KLF12: variants seen among roughly 807,000 people sequenced by gnomAD.
KLF12 encodes the protein KLF transcription factor 12.
In KLF12, 9 loss-of-function variants were observed where a neutral mutation model predicts 37.8. The observed-to-expected ratio is 0.24, with a 90% confidence interval of 0.14 to 0.42. The LOEUF (loss-of-function observed/expected upper bound fraction) is 0.42. Ranked by LOEUF, KLF12 falls within the 10% of genes least tolerant of loss-of-function variation. The pLI is 1.00. For missense variants in KLF12, 411 were observed against 516.0 expected (o/e 0.80, Z 1.97); for synonymous variants, 208 against 202.1 (o/e 1.03, Z -0.25).
chr13:74,253,959 C>G, the KLF12 span, among the ~76,000 whole-genome samples: 7 of 152,228 alleles, frequency 4.6e-5, no homozygotes, highest in African/African-American at 1.7e-4. Context: ...CTTATTTGAC[C>G]AGGGAGTCTT....
At chr13:74,034,718 T>C (rs1414124716) in intron 1 of KLF12, among the ~76,000 whole-genome samples, 3 of 152,222 alleles carry the variant, frequency 2.0e-5, no homozygotes. Flanking sequence ...ATTAGGGAGA[T>C]ACATCTGAAA....
intron 3 of KLF12, among the ~76,000 whole-genome samples, chr13:73,913,537 A>G (rs1245662163): frequency 6.6e-6 from 1 of 152,188 alleles, no homozygotes; most frequent in Non-Finnish European, 1.5e-5. Flanking sequence ...TCCTACCAAT[A>G]CAATGACCAA....
At chr13:74,264,256 T>TA in the KLF12 span, among the ~76,000 whole-genome samples, 1 of 152,156 alleles carries the variant, frequency 6.6e-6, no homozygotes, top group South Asian at 2.1e-4. Flanking sequence ...GTGGCTTGGA[T>TA]AAAAAAAGAA....
intron 1 of KLF12, among the ~76,000 whole-genome samples, chr13:74,069,782 T>G (rs9565073): frequency 6.6e-6 from 1 of 151,968 alleles, no homozygotes; most frequent in Non-Finnish European, 1.5e-5. Context: ...TGGTGACTCA[T>G]GAGACGTGAA....
intron 1 of KLF12, among the ~76,000 whole-genome samples, chr13:74,117,550 A>G (rs1877379637): frequency 2.0e-5 from 3 of 152,234 alleles, no homozygotes; most frequent in Admixed American, 2.0e-4. Flanking sequence ...AGAGTAGGCA[A>G]GACTTAGTGA....
intron 1 of KLF12, among the ~76,000 whole-genome samples, chr13:74,111,137 A>G (rs1876949366): frequency 6.6e-6 from 1 of 151,322 alleles, no homozygotes. Context: ...TGGGCGACAG[A>G]GCAAGACTAT....
At chr13:73,703,334 T>C (rs2137594665) in intron 7 of KLF12, among the ~76,000 whole-genome samples, 1 of 152,294 alleles carries the variant, frequency 6.6e-6, no homozygotes. Context: ...CAATTAATTA[T>C]AGTTTTGGGG....
chr13:74,111,846 A>C (rs185500510), intron 1 of KLF12, among the ~76,000 whole-genome samples: 3 of 152,212 alleles, frequency 2.0e-5, no homozygotes, highest in Non-Finnish European at 4.4e-5. Context: ...ATATGTTTTT[A>C]AAAGTTCCAC....
At chr13:74,119,265 G>A (rs1452742307) in intron 1 of KLF12, among the ~76,000 whole-genome samples, 1 of 151,954 alleles carries the variant, frequency 6.6e-6, no homozygotes, top group Non-Finnish European at 1.5e-5. Flanking sequence ...TTGGGAGGCG[G>A]AGGCTGCAGT....
At chr13:74,210,769 C>A in the KLF12 span, among the ~76,000 whole-genome samples, 1 of 152,136 alleles carries the variant, frequency 6.6e-6, no homozygotes, top group Non-Finnish European at 1.5e-5. Context: ...GTTTCTTGGA[C>A]TCCTGTAATA....
the KLF12 span, among the ~76,000 whole-genome samples, chr13:74,279,665 A>G: frequency 3.3e-4 from 51 of 152,292 alleles, 1 homozygote; most frequent in South Asian, 2.7e-3. Flanking sequence ...AAAATGGTAA[A>G]ACACATGTCA....
chr13:73,686,317 G>A lies in KLF12; in HGVS notation c.*9173C>T, dbSNP rs1244922493. ...ATAGACTGGAATAATCATCCTCTGA[G>A]AGAATCTCATTAGGAGGGTCTCCCT... On this transcript the variant is annotated 3_prime_UTR_variant, in exon 8 of 8. Transcript: ENST00000377669. 6.6e-6 allele frequency: 1 copy of A among 152,558 alleles called. No individual in the cohort carries two copies. The highest frequency in any genetic ancestry group is 1.5e-5 in the Non-Finnish European group (1 of 68,016). The allele number at this position is 152,558 out of a possible 1,614,324, so 9.5% of individuals were successfully genotyped here.
At chr13:74,212,824 G>A in the KLF12 span, among the ~76,000 whole-genome samples, 1 of 151,902 alleles carries the variant, frequency 6.6e-6, no homozygotes, top group Non-Finnish European at 1.5e-5. Context: ...AAAAATACAT[G>A]GAGGTAATTT....
intron 5 of KLF12, among the ~76,000 whole-genome samples, chr13:73,805,656 G>T (rs1594111217): frequency 2.8e-5 from 1 of 35,108 alleles, no homozygotes; most frequent in Non-Finnish European, 5.2e-5. Context: ...GAGGGAGGAA[G>T]GAAGGAAGGA....
intron 3 of KLF12, among the ~76,000 whole-genome samples, chr13:73,909,245 C>T (rs1397973629): frequency 1.3e-5 from 2 of 152,204 alleles, no homozygotes; most frequent in African/African-American, 4.8e-5. Flanking sequence ...CGTTTCCATA[C>T]TACCAGTGGC....
intron 5 of KLF12, among the ~76,000 whole-genome samples, chr13:73,794,995 A>G (rs1270511018): frequency 6.6e-6 from 1 of 152,192 alleles, no homozygotes; most frequent in East Asian, 1.9e-4. Flanking sequence ...TCCTAGATAG[A>G]GCCAGGTTAT....
chr13:74,086,677 G>A (rs944721300), intron 1 of KLF12, among the ~76,000 whole-genome samples: 2 of 152,010 alleles, frequency 1.3e-5, no homozygotes, highest in African/African-American at 4.8e-5. Context: ...TGGAGGTTAG[G>A]GGTACTGACC....
At chr13:73,883,104 A>C (rs751983445) in intron 3 of KLF12, among the ~76,000 whole-genome samples, 4 of 152,196 alleles carry the variant, frequency 2.6e-5, no homozygotes, top group African/African-American at 9.6e-5. Flanking sequence ...CATTAAAATC[A>C]ATATTATATT....
rs111977086 is a variant in KLF12, at chr13:74,035,231, T to C, written c.-31-40178A>G. On this transcript the variant is annotated intron_variant, in intron 1 of 7. Coordinates refer to ENST00000377669, the MANE Select transcript of KLF12 (RefSeq NM_007249.5). The stretch of plus-strand genomic sequence containing the variant: ...TGCATATCCTCCCATATACTTTAAA[T>C]CATCTCTAGATTACATATAATGCCT... Among the ~76,000 whole-genome samples the C allele has an allele frequency of 2.3e-3, 354 of 152,346 alleles. 4 individuals are homozygous for C. Among genetic ancestry groups the C allele is most frequent in the African/African-American group, 8.2e-3 (341 of 41,584 alleles).
Sources: gnomAD v4.1 joint callset for allele counts (sites outside exome capture counted in the v4.1 genomes callset) on GRCh38, gnomAD v4.1.1 for gene constraint, MANE v1.5 for transcripts, NCBI Gene and HGNC (gene_info 2026-07-23, HGNC 2026-07-21) for gene names.